CFAP54: variants seen among roughly 807,000 people sequenced by gnomAD.
CFAP54 encodes cilia and flagella associated protein 54, also known as cilia- and flagella-associated protein 54.
CFAP54 carries 290 observed loss-of-function variants against 370.4 expected under a neutral mutation model. The ratio of observed to expected loss-of-function variants is 0.78; its 90% CI spans 0.71 to 0.86. The LOEUF (loss-of-function observed/expected upper bound fraction) is 0.86, where lower values mean the gene tolerates loss of function less well. Among genes scored for constraint, CFAP54 ranks in the 40% least tolerant of loss-of-function variants. CFAP54 has a pLI of 0.00. For missense variants in CFAP54, 3,399 were observed against 3,528.7 expected (o/e 0.96, Z 0.93); for synonymous variants, 1,206 against 1,236.5 (o/e 0.98, Z 0.52).
chr12:96,650,786 A>G (rs966509525), intron 35 of CFAP54, among the ~76,000 whole-genome samples: 1 of 152,160 alleles, frequency 6.6e-6, no homozygotes, highest in Non-Finnish European at 1.5e-5. Context: ...TACATAATGT[A>G]ATGTAAACCT....
intron 13 of CFAP54, chr12:96,540,250 G>T (rs1955555525): frequency 6.6e-6 from 1 of 152,166 alleles, no homozygotes; most frequent in South Asian, 2.1e-4. Context: ...TTACAGGTGT[G>T]CGCCAATACG....
chr12:96,790,199 A>G (rs943463189), intron 62 of CFAP54, among the ~76,000 whole-genome samples: 2 of 152,214 alleles, frequency 1.3e-5, no homozygotes, highest in Non-Finnish European at 2.9e-5. Context: ...ATGCTGAGTT[A>G]TTCATGCTTG....
chr12:96,720,367 T>C (rs1203763226), intron 49 of CFAP54, 38 bp from the exon 50 acceptor site: 2 of 1,349,224 alleles, frequency 1.5e-6, no homozygotes, highest in Non-Finnish European at 1.9e-6. Context: ...ATTTGTATTA[T>C]TTCTGAACTC....
intron 50 of CFAP54, among the ~76,000 whole-genome samples, chr12:96,734,050 T>TTTA (rs2136631330): frequency 6.6e-6 from 1 of 151,702 alleles, no homozygotes; most frequent in African/African-American, 2.4e-5. Flanking sequence ...CCATGCTATG[T>TTTA]TTGTTGTTGT....
At chr12:96,766,674 C>T (rs998133694) in intron 60 of CFAP54, among the ~76,000 whole-genome samples, 2 of 152,270 alleles carry the variant, frequency 1.3e-5, no homozygotes, top group African/African-American at 2.4e-5. Flanking sequence ...GTCTCTTGTC[C>T]GTAGACTGAG....
At chr12:96,712,258 T>C (rs1056155564) in intron 48 of CFAP54, among the ~76,000 whole-genome samples, 1 of 152,168 alleles carries the variant, frequency 6.6e-6, no homozygotes, top group Non-Finnish European at 1.5e-5. Context: ...ATATCCTTTG[T>C]AAGTTTAGAT....
chr12:96,501,121 A>G (rs1955020775), intron 2 of CFAP54, 182 bp downstream of exon 2: 2 of 477,488 alleles, frequency 4.2e-6, no homozygotes, highest in Non-Finnish European at 3.7e-6. Flanking sequence ...TTAATTTTGT[A>G]GTTGAGATTT....
At chr12:96,621,515 A>T (rs989035000) in intron 26 of CFAP54, 75 bp from the exon 27 acceptor site, 1 of 1,053,338 alleles carries the variant, frequency 9.5e-7, no homozygotes, top group Non-Finnish European at 1.3e-6. Flanking sequence ...TTTTGAATTT[A>T]TGGAAAATGA....
Position 96,826,153 on chromosome 12 carries a change from A to G in CFAP54, c.9097-2861A>G, listed in dbSNP as rs1045849751. Among the ~76,000 whole-genome samples, 4 of 146,286 alleles carry G rather than the reference A, an allele frequency of 2.7e-5. No individual in the cohort carries two copies. The East Asian group carries it at 7.8e-4, about 29-fold the overall frequency. ...TACTGGTTAAAACCTTGAAATAAAA[A>G]AGCAAACAACACCTGAACTCAAAGC... On this transcript the variant is annotated intron_variant, in intron 65 of 67. Coordinates refer to ENST00000524981, the MANE Select transcript of CFAP54 (RefSeq NM_001306084.2).
chr12:96,685,822 GATTACAGGC>G (rs1249625340), intron 42 of CFAP54, among the ~76,000 whole-genome samples: 2 of 152,164 alleles, frequency 1.3e-5, no homozygotes, highest in African/African-American at 4.8e-5. Context: ...AAAGTGCTGG[GATTACAGGC>G]ATGAGCCACG....
chr12:96,596,894 A>C (rs990024479), intron 25 of CFAP54, among the ~76,000 whole-genome samples: 6 of 152,110 alleles, frequency 3.9e-5, no homozygotes, highest in Non-Finnish European at 8.8e-5. Flanking sequence ...AGCAAATCCA[A>C]GTGAGTGAGA....
chr12:96,492,755 G>A (rs571529387), intron 1 of CFAP54, among the ~76,000 whole-genome samples: 2 of 152,358 alleles, frequency 1.3e-5, no homozygotes, highest in African/African-American at 4.8e-5. Context: ...CACTCTGGGA[G>A]GCTGAGGCAG....
chr12:96,730,523 G>A (rs1054254453), intron 50 of CFAP54, among the ~76,000 whole-genome samples: 4 of 151,992 alleles, frequency 2.6e-5, no homozygotes, highest in Non-Finnish European at 5.9e-5. Flanking sequence ...GATGAATTTG[G>A]AAAACAGCAA....
rs1452586653 is a variant in CFAP54, at chr12:96,527,274, G to A, written c.1187G>A (p.Arg396Gln). The change falls in exon 9 of 68, where the codon CGG becomes CAG. Residue 396 changes from arginine to glutamine, a missense_variant. Around this residue, in one of 3 missense-constraint regions of CFAP54, gnomAD observed 559 missense variants for 576.7 expected, o/e 0.97. Coordinates refer to ENST00000524981, the MANE Select transcript of CFAP54 (RefSeq NM_001306084.2). ...TLSWPRTVTE[R>Q]LLDEMFDSTA... ...TCATGGCCACGAACTGTCACAGAGC[G>A]GCTACTGGATGAGATGTTTGATAGC... 21 of 1,527,274 alleles carry A rather than the reference G, an allele frequency of 1.4e-5. No homozygotes were observed. Among genetic ancestry groups the A allele is most frequent in the Middle Eastern group, 1.7e-4 (1 of 5,974 alleles). The allele number at this position is 1,527,274 out of a possible 1,614,324, so 94.6% of individuals were successfully genotyped here. A position where few individuals can be genotyped will look rare whatever the true frequency, so the allele number is the denominator to read the frequency against.
intron 28 of CFAP54, among the ~76,000 whole-genome samples, chr12:96,624,590 G>T (rs116898445): frequency 0.016 from 2,418 of 152,290 alleles, 32 homozygotes; most frequent in South Asian, 0.049. Context: ...GTGATGATTA[G>T]TATTGTCACA....
rs1226802485 is a variant in CFAP54, at chr12:96,581,065, C to T, written c.3035C>T (p.Pro1012Leu). ...GETTKPILVYPPLSTITARMF... is the reference protein window; with the variant it reads ...GETTKPILVYLPLSTITARMF... ...ACAACTAAACCAATTCTGGTTTATC[C>T]CCCTCTTTCTACTATTACTGCTCGG... is the stretch of plus-strand genomic sequence containing the variant. Residue 1012 changes from proline (P) to leucine (L), a missense_variant, in exon 22 of 68, where the codon CCC (proline) becomes CTC (leucine). This residue lies in a region of CFAP54 where 2,796 missense variants were observed against 2,869.7 expected (regional missense o/e 0.97). Transcript: ENST00000524981. 3.3e-6 allele frequency: 5 copies of T among 1,523,330 alleles called. No individual in the cohort carries two copies. The highest frequency in any genetic ancestry group is 4.4e-6 in the Non-Finnish European group (5 of 1,140,800). 94.4% of individuals were successfully genotyped at this position (1,523,330 alleles called of 1,614,324 possible).
At chr12:96,602,300 A>T (rs1956251246) in intron 26 of CFAP54, among the ~76,000 whole-genome samples, 1 of 152,132 alleles carries the variant, frequency 6.6e-6, no homozygotes, top group African/African-American at 2.4e-5. Flanking sequence ...TTCTAATTTG[A>T]TTGCACTCTG....
In CFAP54 at chr12:96,536,786, T is replaced by A. The variant is rs142866993; in HGVS notation, c.1791+1186T>A. The stretch of plus-strand genomic sequence containing the variant: ...GGATTACAGGCATGTGCCACCATGT[T>A]TGGCTAGTTTTTGTATTTTTAGTAG... On this transcript the variant is annotated intron_variant, in intron 12 of 67. Coordinates refer to ENST00000524981, the MANE Select transcript of CFAP54 (RefSeq NM_001306084.2). Among the ~76,000 whole-genome samples, 776 of 151,874 alleles carry A rather than the reference T, an allele frequency of 5.1e-3. 10 individuals carry two copies. The highest frequency in any genetic ancestry group is 0.018 in the African/African-American group (732 of 41,424).
At chr12:96,559,270 T>G (rs1252675412) in intron 17 of CFAP54, among the ~76,000 whole-genome samples, 1 of 152,118 alleles carries the variant, frequency 6.6e-6, no homozygotes, top group Non-Finnish European at 1.5e-5. Flanking sequence ...ACTTGAATTG[T>G]TTGTAATACA....
Sources: gnomAD v4.1 joint callset for allele counts (sites outside exome capture counted in the v4.1 genomes callset) on GRCh38, gnomAD v4.1.1 for gene constraint, gnomAD v4.1.1 regional missense constraint, MANE v1.5 for transcripts, NCBI Gene and HGNC (gene_info 2026-07-23, HGNC 2026-07-21) for gene names.